ARV1: variants seen among roughly 807,000 people sequenced by gnomAD.
ARV1 encodes ARV1 fatty acid homeostasis modulator, also known as protein ARV1.
ARV1 carries 26 observed loss-of-function variants against 31.1 expected under a neutral mutation model. The observed-to-expected ratio is 0.84, with a 90% CI of 0.61 to 1.16. The LOEUF is 1.16. Ranked by LOEUF, ARV1 falls within the 50% of genes most tolerant of loss-of-function variation. The pLI is 0.00. For synonymous variants in ARV1, 117 were observed against 123.2 expected (o/e 0.95, Z 0.34); for missense variants, 281 against 324.9 (o/e 0.86, Z 1.04).
At chr1:230,979,862 T>C (rs1678799266) in intron 1 of ARV1, among the ~76,000 whole-genome samples, 1 of 152,146 alleles carries the variant, frequency 6.6e-6, no homozygotes, top group Non-Finnish European at 1.5e-5. Flanking sequence ...AACTGGCTTA[T>C]AAGGCCCTAT....
intron 2 of ARV1, among the ~76,000 whole-genome samples, chr1:230,988,761 G>C (rs1391575352): frequency 1.3e-5 from 2 of 152,086 alleles, no homozygotes; most frequent in Non-Finnish European, 2.9e-5. Flanking sequence ...ATCCAGGTAG[G>C]GAGAGAATTA....
intron 1 of ARV1, among the ~76,000 whole-genome samples, chr1:230,980,920 T>G (rs1429574290): frequency 6.6e-6 from 1 of 152,206 alleles, no homozygotes; most frequent in Non-Finnish European, 1.5e-5. Context: ...CCTGCTTTAG[T>G]CACATTCCCA....
At chr1:230,995,658 G>A in intron 3 of ARV1, 102 bp from the exon 4 acceptor site, 1 of 802,482 alleles carries the variant, frequency 1.2e-6, no homozygotes, top group Admixed American at 3.1e-5. Context: ...TTCTTATGAA[G>A]TCAGCTGATA....
chr1:230,986,668 ATTTTTTTTTTTTTTTTTTTTT>A (rs1162209283), intron 1 of ARV1, among the ~76,000 whole-genome samples: 10 of 62,292 alleles, frequency 1.6e-4, no homozygotes, highest in Admixed American at 2.5e-4. Flanking sequence ...TACTTTTCCT[ATTTTTTTTTTTTTTTTTTTTT>A]TTTTTTTTTT....
At chr1:230,986,054 C>T (rs930231875) in intron 1 of ARV1, among the ~76,000 whole-genome samples, 4 of 151,750 alleles carry the variant, frequency 2.6e-5, no homozygotes, top group Admixed American at 6.6e-5. Flanking sequence ...GTTGCTGGGA[C>T]TACAGGCACC....
At chr1:231,000,084 A>C (rs931738904) in intron 5 of ARV1, 54 bp from the exon 6 acceptor site, 17 of 152,128 alleles carry the variant, frequency 1.1e-4, no homozygotes, top group African/African-American at 4.1e-4. Context: ...AGTGTCTGTC[A>C]GTTTGATTTT....
chr1:230,988,923 A>G (rs1023256173), intron 2 of ARV1, among the ~76,000 whole-genome samples: 4 of 152,252 alleles, frequency 2.6e-5, no homozygotes, highest in African/African-American at 9.6e-5. Flanking sequence ...TTTTCAAAAT[A>G]AACTTTTAGT....
At chr1:230,990,538 T>C in intron 3 of ARV1, 1 of 304,258 alleles carries the variant, frequency 3.3e-6, no homozygotes, top group Non-Finnish European at 6.0e-6. Context: ...ATATTGTTGA[T>C]AAAATTCTTT....
rs770670046 is a variant in ARV1 at position 230,990,148 on chromosome 1, A to G, written c.333A>G (p.Glu111=). ...TCTGCATATTTTGTTTGCTTTGTGA[A>G]GCATACCTGAGGTGGTGGCAGCTTC... ...GKLCIFCLLC[E]AYLRWWQLQD... The change falls in exon 3 of 6, where the codon GAA becomes GAG. Residue 111 remains glutamate (E), a synonymous_variant. Coordinates refer to ENST00000310256, the MANE Select transcript of ARV1 (RefSeq NM_022786.3). 2 of 1,610,782 alleles carry G rather than the reference A, an allele frequency of 1.2e-6. No individual in the cohort carries two copies. The highest frequency in any genetic ancestry group is 1.7e-5 in the Admixed American group (1 of 58,832).
At chr1:230,985,926 T>TTA (rs1336061752) in intron 1 of ARV1, among the ~76,000 whole-genome samples, 3 of 151,940 alleles carry the variant, frequency 2.0e-5, no homozygotes, top group African/African-American at 7.3e-5. Flanking sequence ...GCAGAATTTT[T>TTA]TTTTTTTTGA....
intron 5 of ARV1, among the ~76,000 whole-genome samples, chr1:230,999,435 A>G (rs1236421676): frequency 1.3e-5 from 2 of 152,104 alleles, no homozygotes; most frequent in African/African-American, 4.8e-5. Flanking sequence ...CAATTTTTCC[A>G]TAATTTCTGA....
chr1:230,979,631 A>G, intron 1 of ARV1: 3 of 275,950 alleles, frequency 1.1e-5, no homozygotes, highest in Non-Finnish European at 2.1e-5. Flanking sequence ...AGATGGTACC[A>G]TCCTTACCCT....
intron 3 of ARV1, among the ~76,000 whole-genome samples, chr1:230,993,621 G>A (rs1403430445): frequency 2.6e-5 from 4 of 152,096 alleles, no homozygotes; most frequent in Non-Finnish European, 4.4e-5. Context: ...TTGGCCGGGC[G>A]TGGTACCTCA....
rs770289828 is a variant in ARV1, at chr1:230,979,231, A to C, written c.126A>C (p.Lys42Asn). ...YRCIECNQEA[K>N]ELYRDYNHGV... ...GCATCGAATGCAACCAGGAGGCCAAAGAGTTGTACCGAGACTATAACCACG... is the reference window on the plus strand; with the variant it reads ...GCATCGAATGCAACCAGGAGGCCAACGAGTTGTACCGAGACTATAACCACG... The change falls in exon 1 of 6, where the codon AAA becomes AAC. Residue 42 changes from lysine to asparagine, a missense_variant. Lys to Asn is a moderately conservative substitution (Grantham distance 94). Transcript: ENST00000310256. The C allele has an allele frequency of 1.9e-6, 3 of 1,613,640 alleles. No homozygotes were observed. In the South Asian group the frequency reaches 3.3e-5, roughly 18 times the overall value.
At chr1:230,997,852 A>C (rs1679413288) in intron 5 of ARV1, among the ~76,000 whole-genome samples, 1 of 152,156 alleles carries the variant, frequency 6.6e-6, no homozygotes, top group Non-Finnish European at 1.5e-5. Context: ...TTTCCTGAGC[A>C]GCCACCTCTG....
intron 1 of ARV1, among the ~76,000 whole-genome samples, chr1:230,985,482 G>C (rs950599905): frequency 6.6e-6 from 1 of 152,190 alleles, no homozygotes. Context: ...CAAGAAAAGA[G>C]AACGATTGTT....
At chr1:230,987,333 G>C (rs1048095493) in intron 1 of ARV1, among the ~76,000 whole-genome samples, 1 of 152,190 alleles carries the variant, frequency 6.6e-6, no homozygotes, top group African/African-American at 2.4e-5. Flanking sequence ...TTGACCTCGG[G>C]TTACAAACTG....
chr1:230,993,342 C>T (rs2103053695), intron 3 of ARV1, among the ~76,000 whole-genome samples: 1 of 152,296 alleles, frequency 6.6e-6, no homozygotes, highest in Non-Finnish European at 1.5e-5. Flanking sequence ...ACAGTCCTCC[C>T]ATATGGGCCT....
chr1:230,986,285 C>T (rs912060439), intron 1 of ARV1, among the ~76,000 whole-genome samples: 1 of 152,102 alleles, frequency 6.6e-6, no homozygotes, highest in African/African-American at 2.4e-5. Flanking sequence ...CACTCGGTAA[C>T]TGGAAAACAT....
Sources: allele counts gnomAD v4.1 joint callset (sites outside exome capture counted in the v4.1 genomes callset), GRCh38; gene constraint gnomAD v4.1.1; transcripts MANE v1.5; gene names NCBI Gene and HGNC (gene_info 2026-07-23, HGNC 2026-07-21).